Variants in PPP1R13B observed in about 807,000 individuals in gnomAD.
PPP1R13B encodes the protein apoptosis-stimulating of p53 protein 1.
In PPP1R13B, 44 loss-of-function variants were observed where a neutral mutation model predicts 119.8. The observed-to-expected ratio is 0.37, with a 90% CI of 0.29 to 0.47. The LOEUF (loss-of-function observed/expected upper bound fraction) is 0.47, where lower values mean the gene tolerates loss of function less well. PPP1R13B is among the 20% of genes least tolerant of loss of function. The pLI is 0.99. For missense variants in PPP1R13B, 1,227 were observed against 1,413.5 expected (o/e 0.87, Z 2.12); for synonymous variants, 542 against 561.5 (o/e 0.97, Z 0.49).
At position 103,768,723 on chromosome 14, in the gene PPP1R13B, C is replaced by T. The variant is rs142220249; in HGVS notation, c.354+10022G>A. Reference sequence around the variant, plus strand: ...GTGCTGGGATTACAGGCATGAGCCACTGCACCAGGCCTAATTTTTGTATTT... The same window carrying T: ...GTGCTGGGATTACAGGCATGAGCCATTGCACCAGGCCTAATTTTTGTATTT... On this transcript the variant is annotated intron_variant, in intron 4 of 16. Transcript: ENST00000202556. Among the ~76,000 whole-genome samples the T allele has an allele frequency of 8.7e-4, 132 of 152,330 alleles. 2 individuals carry two copies. The East Asian group carries it at 0.02, about 23-fold the overall frequency.
At chr14:103,748,297 C>A (rs905870865) in intron 8 of PPP1R13B, among the ~76,000 whole-genome samples, 11 of 152,132 alleles carry the variant, frequency 7.2e-5, no homozygotes, top group Admixed American at 7.2e-4. Context: ...AAATAAACTA[C>A]TGATCTTTAA....
At chr14:103,773,880 T>A (rs1452473748) in intron 4 of PPP1R13B, among the ~76,000 whole-genome samples, 2 of 152,228 alleles carry the variant, frequency 1.3e-5, no homozygotes, top group African/African-American at 4.8e-5. Context: ...TCTAGACAGT[T>A]GAAATGTTAT....
At chr14:103,796,321 T>C (rs1002488890) in intron 2 of PPP1R13B, among the ~76,000 whole-genome samples, 1 of 151,990 alleles carries the variant, frequency 6.6e-6, no homozygotes, top group African/African-American at 2.4e-5. Context: ...AGGAACTGAA[T>C]AGACATTTCT....
At chr14:103,811,362 C>T (rs2086152052) in intron 1 of PPP1R13B, among the ~76,000 whole-genome samples, 1 of 151,976 alleles carries the variant, frequency 6.6e-6, no homozygotes, top group Non-Finnish European at 1.5e-5. Context: ...CTGCAAAGTA[C>T]ATATTTGATA....
chr14:103,800,647 T>C (rs1567134085), intron 1 of PPP1R13B, among the ~76,000 whole-genome samples: 1 of 150,032 alleles, frequency 6.7e-6, no homozygotes, highest in Non-Finnish European at 1.5e-5. Context: ...ACAGCAAGAC[T>C]GTCTCAAAAA....
chr14:103,762,436 C>T (rs981702457), intron 4 of PPP1R13B, among the ~76,000 whole-genome samples: 5 of 104,010 alleles, frequency 4.8e-5, no homozygotes, highest in Admixed American at 2.7e-4. Flanking sequence ...CATCTCACAT[C>T]GGGGTCTGTT....
chr14:103,739,516 C>T (rs1014048105), intron 12 of PPP1R13B, among the ~76,000 whole-genome samples: 7 of 152,202 alleles, frequency 4.6e-5, no homozygotes, highest in African/African-American at 1.2e-4. Flanking sequence ...CTTCTTCCCT[C>T]GTCTCTCTAC....
At chr14:103,762,594 A>AT (rs1283625213) in intron 4 of PPP1R13B, among the ~76,000 whole-genome samples, 1 of 129,204 alleles carries the variant, frequency 7.7e-6, no homozygotes, top group Non-Finnish European at 1.8e-5. Flanking sequence ...AACTTAAAGT[A>AT]TTAAAAAAAA....
chr14:103,816,763 A>G (rs1432619700), intron 1 of PPP1R13B, among the ~76,000 whole-genome samples: 1 of 152,170 alleles, frequency 6.6e-6, no homozygotes, highest in Non-Finnish European at 1.5e-5. Flanking sequence ...TGCAAATACC[A>G]AAAATTCAGT....
intron 7 of PPP1R13B, 128 bp downstream of exon 7, chr14:103,752,872 A>G (rs1171384043): frequency 1.9e-6 from 2 of 1,044,168 alleles, no homozygotes; most frequent in Non-Finnish European, 2.8e-6. Flanking sequence ...TACTGAATAT[A>G]TCTTGTGCCT....
chr14:103,756,434 A>G (rs2084679973), intron 5 of PPP1R13B, among the ~76,000 whole-genome samples: 6 of 152,222 alleles, frequency 3.9e-5, no homozygotes. Context: ...AATCATTTCC[A>G]GCAGGCATGT....
At chr14:103,796,476 T>C (rs572733531) in intron 2 of PPP1R13B, among the ~76,000 whole-genome samples, 1 of 152,288 alleles carries the variant, frequency 6.6e-6, no homozygotes, top group Admixed American at 6.5e-5. Flanking sequence ...GTATCAAGTG[T>C]TGATGAGAAT....
At chr14:103,848,153 C>G (rs761699697), upstream of PPP1R13B, 5 of 808,248 alleles carry the variant, frequency 6.2e-6, no homozygotes, top group Non-Finnish European at 1.5e-6. Flanking sequence ...GCTTCTCCCC[C>G]ACCGGCGTCT....
chr14:103,765,774 T>C (rs2084923334), intron 4 of PPP1R13B, among the ~76,000 whole-genome samples: 2 of 152,160 alleles, frequency 1.3e-5, no homozygotes, highest in South Asian at 2.1e-4. Context: ...CTTTAAGGAC[T>C]CTCTCATACC....
chr14:103,802,394 AT>A (rs1036181911), intron 1 of PPP1R13B, among the ~76,000 whole-genome samples: 1 of 151,838 alleles, frequency 6.6e-6, no homozygotes, highest in Non-Finnish European at 1.5e-5. Context: ...GAGTAAAAAA[AT>A]TTTTTTTTAC....
chr14:103,820,720 ACTCCTAGT>A (rs1242963483), intron 1 of PPP1R13B, among the ~76,000 whole-genome samples: 1 of 141,748 alleles, frequency 7.1e-6, no homozygotes. Context: ...CTGGTCTCCA[ACTCCTAGT>A]CCCAAGTGAT....
intron 12 of PPP1R13B, 25 bp from the exon 13 acceptor site, chr14:103,739,048 C>T: frequency 4.4e-6 from 7 of 1,601,286 alleles, no homozygotes; most frequent in Non-Finnish European, 6.0e-6. Flanking sequence ...GCACGCTTTC[C>T]AGTTAAAGGT....
chr14:103,826,944 A>G (rs1018690618), intron 1 of PPP1R13B, among the ~76,000 whole-genome samples: 30 of 151,740 alleles, frequency 2.0e-4, no homozygotes, highest in Non-Finnish European at 3.2e-4. Flanking sequence ...CCCGGGAGGC[A>G]GAGCTTGCAG....
intron 3 of PPP1R13B, among the ~76,000 whole-genome samples, chr14:103,782,908 G>C (rs543405258): frequency 6.6e-6 from 1 of 151,296 alleles, no homozygotes; most frequent in African/African-American, 2.4e-5. Context: ...AGGTTCAAGC[G>C]ATTCTCCTGT....
Sources: gnomAD v4.1 joint callset for allele counts (sites outside exome capture counted in the v4.1 genomes callset) on GRCh38, gnomAD v4.1.1 for gene constraint, MANE v1.5 for transcripts, NCBI Gene and HGNC (gene_info 2026-07-23, HGNC 2026-07-21) for gene names.